DAPK1: variants seen among roughly 807,000 people sequenced by gnomAD.
The protein encoded by DAPK1 is death-associated protein kinase 1.
In DAPK1, 56 loss-of-function variants were observed where a neutral mutation model predicts 144.9. The observed-to-expected ratio is 0.39, with a 90% confidence interval of 0.31 to 0.48. DAPK1 has a LOEUF of 0.48. DAPK1 is among the 20% of genes least tolerant of loss of function. The probability of loss-of-function intolerance (pLI) is 0.95; values close to 1 mark genes in which losing one functional copy is unlikely to be tolerated. For synonymous variants in DAPK1, 690 were observed against 749.0 expected (o/e 0.92, Z 1.29); for missense variants, 1,454 against 1,875.4 (o/e 0.78, Z 4.15).
intron 20 of DAPK1, among the ~76,000 whole-genome samples, chr9:87,683,616 C>A (rs2889982): frequency 0.46 from 70,597 of 151,978 alleles, 17,251 homozygotes; most frequent in East Asian, 0.72. Flanking sequence ...CTGGGAGTCA[C>A]CTGTGGCTCT....
At chr9:87,612,989 G>T (rs1828978962) in intron 3 of DAPK1, among the ~76,000 whole-genome samples, 1 of 152,194 alleles carries the variant, frequency 6.6e-6, no homozygotes, top group Admixed American at 6.5e-5. Flanking sequence ...AATCAAGCCA[G>T]TTTGGTTCTC....
At chr9:87,563,783 A>T (rs190668898) in intron 2 of DAPK1, among the ~76,000 whole-genome samples, 14 of 152,202 alleles carry the variant, frequency 9.2e-5, no homozygotes, top group Admixed American at 8.5e-4. Flanking sequence ...CACCAGGAGG[A>T]GGAGATGACC....
rs1830116228 is a variant in DAPK1 at position 87,642,027 on chromosome 9, T to A, written c.887T>A (p.Phe296Tyr). The change falls in exon 10 of 26, where the codon TTC becomes TAC. Residue 296 changes from phenylalanine to tyrosine, a missense_variant. This residue lies in a region of DAPK1 where 429 missense variants were observed against 637.5 expected (regional missense o/e 0.67). Coordinates refer to ENST00000408954, the MANE Select transcript of DAPK1 (RefSeq NM_004938.4). ...GCATCAGCAGTAAACATGGAGAAAT[T>A]CAAGAAGTTTGCAGCCCGGAAAAAA... is the stretch of plus-strand genomic sequence containing the variant. ...RKASAVNMEK[F>Y]KKFAARKKWK... 1 of 1,613,976 alleles carries A rather than the reference T, an allele frequency of 6.2e-7. No individual in the cohort carries two copies. The highest frequency in any genetic ancestry group is 1.1e-5 in the South Asian group (1 of 91,072).
In DAPK1 at chr9:87,639,801, A is replaced by G. The variant is rs1343009764; in HGVS notation, c.615A>G (p.Val205=). The G allele has an allele frequency of 6.2e-7, 1 of 1,613,494 alleles. No individual in the cohort carries two copies. The highest frequency in any genetic ancestry group is 8.5e-7 in the Non-Finnish European group (1 of 1,179,582). ...GLEADMWSIG[V]ITYILLSGAS... ...GTGTTGTTTTTAGGAGTATCGGGGTAATAACCTATATCCTGTAAGTATCAG... is the reference window on the plus strand; with the variant it reads ...GTGTTGTTTTTAGGAGTATCGGGGTGATAACCTATATCCTGTAAGTATCAG... The change falls in exon 7 of 26, where the codon GTA becomes GTG. Residue 205 remains valine, a synonymous_variant. Coordinates refer to ENST00000408954, the MANE Select transcript of DAPK1 (RefSeq NM_004938.4).
chr9:87,564,584 G>A (rs1237382442), intron 2 of DAPK1, among the ~76,000 whole-genome samples: 2 of 148,058 alleles, frequency 1.4e-5, no homozygotes, highest in Admixed American at 6.7e-5. Flanking sequence ...GATGGGGAGG[G>A]AGGGAGGGGG....
At chr9:87,616,198 A>C (rs904361251) in intron 3 of DAPK1, among the ~76,000 whole-genome samples, 9 of 152,234 alleles carry the variant, frequency 5.9e-5, no homozygotes, top group African/African-American at 2.2e-4. Context: ...AAGATGTTCT[A>C]GTTTTCCAGT....
chr9:87,681,699 G>T lies in DAPK1; in HGVS notation c.2224+73G>T, dbSNP rs146560796. ...CGCACTCTCTCCTTTCAAGGTCTAG[G>T]GGGGAAGGGAGTTGTGTTTGGGTCA... On this transcript the variant is annotated intron_variant, in intron 20 of 25. Coordinates refer to ENST00000408954, the MANE Select transcript of DAPK1 (RefSeq NM_004938.4). 263 of 808,466 alleles carry T rather than the reference G, an allele frequency of 3.3e-4. 2 individuals carry two copies. The highest frequency in any genetic ancestry group is 1.2e-3 in the Admixed American group (61 of 51,456). The allele number at this position is 808,466 out of a possible 1,614,324, so 50.1% of individuals were successfully genotyped here.
chr9:87,609,117 G>T (rs1200001160), intron 3 of DAPK1, among the ~76,000 whole-genome samples: 1 of 151,830 alleles, frequency 6.6e-6, no homozygotes. Context: ...CATTTTTCCT[G>T]CCTAACGTGG....
intron 2 of DAPK1, among the ~76,000 whole-genome samples, chr9:87,599,719 GA>G (rs796281040): frequency 9.9e-5 from 15 of 152,124 alleles, no homozygotes; most frequent in African/African-American, 3.1e-4. Flanking sequence ...ATTTTTTGGG[GA>G]AAAAAAGTTG....
Position 87,646,002 on chromosome 9 carries a change from CCAA to C in DAPK1, c.1121_1123del (p.Gln374del). ...GCTCATTATCCAACTATGATGTTAA[CCAA>C]CCCAACAAGGTCTGGTTCTGTTCTG... On this transcript the variant is annotated inframe_deletion, in exon 12 of 26. Coordinates refer to ENST00000408954, the MANE Select transcript of DAPK1 (RefSeq NM_004938.4). The C allele has an allele frequency of 6.2e-7, 1 of 1,614,020 alleles. No individual in the cohort carries two copies. Among genetic ancestry groups the C allele is most frequent in the Non-Finnish European group, 8.5e-7 (1 of 1,179,956 alleles).
At chr9:87,629,218 A>G (rs1450306752) in intron 3 of DAPK1, among the ~76,000 whole-genome samples, 1 of 152,182 alleles carries the variant, frequency 6.6e-6, no homozygotes, top group Admixed American at 6.5e-5. Flanking sequence ...GGATGCAGAC[A>G]CAGACGTGTG....
intron 3 of DAPK1, among the ~76,000 whole-genome samples, chr9:87,611,599 C>T (rs985105145): frequency 1.3e-5 from 2 of 152,196 alleles, no homozygotes; most frequent in Non-Finnish European, 2.9e-5. Flanking sequence ...GCTGGGATTA[C>T]AGGTGTGTGG....
chr9:87,630,933 C>T (rs1472342146), intron 3 of DAPK1, among the ~76,000 whole-genome samples: 1 of 152,104 alleles, frequency 6.6e-6, no homozygotes, highest in Non-Finnish European at 1.5e-5. Context: ...GTTAGAGAAC[C>T]ACTTAACCTG....
chr9:87,505,809 C>G (rs530469054), intron 2 of DAPK1, among the ~76,000 whole-genome samples: 2 of 152,220 alleles, frequency 1.3e-5, no homozygotes, highest in South Asian at 4.1e-4. Context: ...CTGTCTCAGC[C>G]TCCAAATAGC....
intron 6 of DAPK1, 35 bp downstream of exon 6, chr9:87,639,733 GATTT>G (rs1244777588): frequency 2.5e-6 from 4 of 1,613,502 alleles, no homozygotes; most frequent in South Asian, 1.1e-5. Flanking sequence ...TTTGCTTTCT[GATTT>G]ATTTGACTAT....
At chr9:87,515,504 G>T (rs1259557226) in intron 2 of DAPK1, among the ~76,000 whole-genome samples, 1 of 152,144 alleles carries the variant, frequency 6.6e-6, no homozygotes, top group Non-Finnish European at 1.5e-5. Context: ...TTTTGGATGG[G>T]GATAGGCTTG....
intron 3 of DAPK1, among the ~76,000 whole-genome samples, chr9:87,612,548 A>ACCACCC (rs1828966076): frequency 6.6e-6 from 1 of 152,094 alleles, no homozygotes; most frequent in African/African-American, 2.4e-5. Flanking sequence ...GTTGTTTTAA[A>ACCACCC]CCACCCCATG....
At chr9:87,534,731 G>A (rs945001495) in intron 2 of DAPK1, among the ~76,000 whole-genome samples, 7 of 150,572 alleles carry the variant, frequency 4.6e-5, no homozygotes, top group Admixed American at 3.3e-4. Flanking sequence ...TGCAACCTCC[G>A]CCTCCCAGGT....
intron 2 of DAPK1, among the ~76,000 whole-genome samples, chr9:87,591,663 T>G (rs36205760): frequency 0.1 from 15,511 of 152,222 alleles, 1,460 homozygotes; most frequent in African/African-American, 0.25. Context: ...GAAATTAAAA[T>G]GTAAACTCAA....
Sources: gnomAD v4.1 joint callset for allele counts (sites outside exome capture counted in the v4.1 genomes callset) on GRCh38, gnomAD v4.1.1 for gene constraint, gnomAD v4.1.1 regional missense constraint, MANE v1.5 for transcripts, NCBI Gene and HGNC (gene_info 2026-07-23, HGNC 2026-07-21) for gene names.